ATF7IP2: variants seen among roughly 807,000 people sequenced by gnomAD.
The protein encoded by ATF7IP2 is activating transcription factor 7 interacting protein 2.
ATF7IP2 carries 42 observed loss-of-function variants against 64.2 expected under a neutral mutation model. The ratio of observed to expected loss-of-function variants is 0.65; its 90% CI spans 0.51 to 0.85. ATF7IP2 has a LOEUF of 0.85. Among genes scored for constraint, ATF7IP2 ranks in the 40% least tolerant of loss-of-function variants. The pLI is 0.00. For missense variants in ATF7IP2, 933 were observed against 784.2 expected (o/e 1.19, Z -2.27); for synonymous variants, 308 against 272.8 (o/e 1.13, Z -1.27).
At chr16:10,446,901 C>G (rs1248963750) in intron 8 of ATF7IP2, 1 of 152,072 alleles carries the variant, frequency 6.6e-6, no homozygotes, top group African/African-American at 2.4e-5. Context: ...CTGGAGATTT[C>G]TTGCCTTTCC....
chr16:10,453,171 C>G (rs1222299371), intron 8 of ATF7IP2, among the ~76,000 whole-genome samples: 1 of 152,202 alleles, frequency 6.6e-6, no homozygotes, highest in Non-Finnish European at 1.5e-5. Flanking sequence ...AGTGTCTGCC[C>G]TAACAGCCAC....
At chr16:10,400,705 C>T (rs143135699) in intron 1 of ATF7IP2, among the ~76,000 whole-genome samples, 50 of 152,170 alleles carry the variant, frequency 3.3e-4, no homozygotes, top group African/African-American at 7.2e-4. Flanking sequence ...TTTTTTGAGA[C>T]AGAGTCTTGC....
chr16:10,463,919 C>A (rs1317024870), intron 9 of ATF7IP2, among the ~76,000 whole-genome samples: 1 of 152,158 alleles, frequency 6.6e-6, no homozygotes, highest in Non-Finnish European at 1.5e-5. Context: ...GGCACCCCTC[C>A]TATTGCTGGT....
rs374785518 is a variant in ATF7IP2, at chr16:10,433,476, G to A, written c.836-49G>A. ...AGACATGAGCCACCACACTGAACCT[G>A]TTTTTTTCTTTAAAATATCTTTCTT... is the stretch of plus-strand genomic sequence containing the variant. On this transcript the variant is annotated intron_variant, in intron 5 of 13. Coordinates refer to ENST00000562102, the MANE Select transcript of ATF7IP2 (RefSeq NM_001393719.1). 76 of 1,566,792 alleles carry A rather than the reference G, an allele frequency of 4.9e-5. No individual in the cohort carries two copies. In the African/African-American group the frequency reaches 8.2e-4, roughly 17 times the overall value.
At chr16:10,450,519 A>G (rs749116542) in intron 8 of ATF7IP2, among the ~76,000 whole-genome samples, 26 of 152,278 alleles carry the variant, frequency 1.7e-4, no homozygotes, top group Admixed American at 5.2e-4. Context: ...GTGCATATAT[A>G]TTTATGATAG....
At chr16:10,421,130 C>T (rs1283325872) in intron 3 of ATF7IP2, among the ~76,000 whole-genome samples, 3 of 152,064 alleles carry the variant, frequency 2.0e-5, no homozygotes, top group Non-Finnish European at 2.9e-5. Flanking sequence ...GGATCATATC[C>T]ATGTAATTTA....
At chr16:10,402,514 G>A (rs2047555074) in intron 1 of ATF7IP2, among the ~76,000 whole-genome samples, 1 of 152,120 alleles carries the variant, frequency 6.6e-6, no homozygotes, top group Admixed American at 6.6e-5. Context: ...CCAGGCTGGA[G>A]TGCATTGGCA....
chr16:10,438,254 T>A lies in ATF7IP2; in HGVS notation c.1095+19T>A. 1 of 1,594,846 alleles carries A rather than the reference T, an allele frequency of 6.3e-7. No individual in the cohort carries two copies. Among genetic ancestry groups the A allele is most frequent in the South Asian group, 1.1e-5 (1 of 87,440 alleles). On this transcript the variant is annotated intron_variant, in intron 7 of 13. Coordinates refer to ENST00000562102, the MANE Select transcript of ATF7IP2 (RefSeq NM_001393719.1). ...ACTTTTGGTAAGTTTTGATTTCATT[T>A]GAGTCTTTTTTAGGGGAGTAGGGGG... is the stretch of plus-strand genomic sequence containing the variant.
chr16:10,421,994 G>T lies in ATF7IP2; in HGVS notation c.-160+2371G>T, dbSNP rs1029203836. On this transcript the variant is annotated intron_variant, in intron 3 of 13. Transcript: ENST00000562102. The stretch of plus-strand genomic sequence containing the variant: ...TTCAGAATCATAGCAGGAGAAGGCA[G>T]TCCTGGCTGCAATGCCCCCATAGGT... Among the ~76,000 whole-genome samples, 4 of 152,348 alleles carry T rather than the reference G, an allele frequency of 2.6e-5. No homozygotes were observed. The South Asian group carries it at 6.2e-4, about 24-fold the overall frequency.
chr16:10,389,888 GT>G (rs1460794041), intron 1 of ATF7IP2, among the ~76,000 whole-genome samples: 1 of 152,152 alleles, frequency 6.6e-6, no homozygotes, highest in Non-Finnish European at 1.5e-5. Flanking sequence ...CCTGGCCTGA[GT>G]TTTGTTATTT....
chr16:10,432,178 C>G (rs1442077452), intron 5 of ATF7IP2, among the ~76,000 whole-genome samples: 1 of 151,816 alleles, frequency 6.6e-6, no homozygotes, highest in Non-Finnish European at 1.5e-5. Flanking sequence ...AAATCACATG[C>G]TAAGTATGAT....
chr16:10,392,652 C>T (rs1358329392), intron 1 of ATF7IP2, among the ~76,000 whole-genome samples: 1 of 151,998 alleles, frequency 6.6e-6, no homozygotes, highest in Admixed American at 6.6e-5. Flanking sequence ...AAAATAGACC[C>T]ATCTCTCATT....
chr16:10,428,786 A>G (rs1387805665), intron 3 of ATF7IP2, 82 bp from the exon 4 acceptor site: 1 of 152,230 alleles, frequency 6.6e-6, no homozygotes, highest in Non-Finnish European at 1.5e-5. Flanking sequence ...TTTCCAGTCA[A>G]AACAGCACTT....
chr16:10,405,207 A>G (rs1417877816), intron 1 of ATF7IP2, among the ~76,000 whole-genome samples: 2 of 151,862 alleles, frequency 1.3e-5, no homozygotes, highest in South Asian at 2.1e-4. Flanking sequence ...TACTAAAAAA[A>G]AAAAATACAA....
intron 1 of ATF7IP2, among the ~76,000 whole-genome samples, chr16:10,397,014 G>C (rs2047433016): frequency 6.6e-6 from 1 of 152,016 alleles, no homozygotes; most frequent in Admixed American, 6.6e-5. Flanking sequence ...TTTGTATATG[G>C]TGTGAGATAC....
intron 3 of ATF7IP2, among the ~76,000 whole-genome samples, chr16:10,427,009 C>T (rs1175201983): frequency 6.6e-6 from 1 of 151,986 alleles, no homozygotes; most frequent in African/African-American, 2.4e-5. Context: ...TGTGCCACCA[C>T]ACCCAGCAAA....
At chr16:10,389,214 C>G (rs759497724) in intron 1 of ATF7IP2, among the ~76,000 whole-genome samples, 6 of 151,992 alleles carry the variant, frequency 3.9e-5, no homozygotes, top group Non-Finnish European at 5.9e-5. Flanking sequence ...CAGGAAAAGA[C>G]AAACTACTGT....
intron 8 of ATF7IP2, chr16:10,447,991 G>T (rs1192498640): frequency 6.6e-6 from 1 of 152,128 alleles, no homozygotes; most frequent in Non-Finnish European, 1.5e-5. Flanking sequence ...TCTGCATATG[G>T]CTAACCAGGT....
At chr16:10,414,407 C>T (rs2047828530) in intron 1 of ATF7IP2, among the ~76,000 whole-genome samples, 167 bp from the exon 2 acceptor site, 1 of 151,796 alleles carries the variant, frequency 6.6e-6, no homozygotes, top group Non-Finnish European at 1.5e-5. Flanking sequence ...TAAATGTGTC[C>T]ATTATTTCCT....
Sources: allele counts gnomAD v4.1 joint callset (sites outside exome capture counted in the v4.1 genomes callset), GRCh38; gene constraint gnomAD v4.1.1; transcripts MANE v1.5; gene names NCBI Gene and HGNC (gene_info 2026-07-23, HGNC 2026-07-21).